The following ZNF502 variants were observed in gnomAD, a reference collection of about 807,000 sequenced individuals.
ZNF502 encodes the protein zinc finger protein 502.
ZNF502 carries 29 observed loss-of-function variants against 43.6 expected under a neutral mutation model. That is an observed-to-expected ratio of 0.67 (90% CI 0.50 to 0.91). The LOEUF is 0.91. Among genes scored for constraint, ZNF502 ranks in the 40% least tolerant of loss-of-function variants. The pLI, the probability that ZNF502 is intolerant of heterozygous loss-of-function variation, is 0.00. For synonymous variants in ZNF502, 171 were observed against 207.4 expected (o/e 0.82, Z 1.51); for missense variants, 591 against 647.2 (o/e 0.91, Z 0.94).
intron 2 of ZNF502, 79 bp downstream of exon 2, chr3:44,720,395 G>C: frequency 1.4e-6 from 2 of 1,442,102 alleles, no homozygotes; most frequent in South Asian, 2.5e-5. Flanking sequence ...GACAAGCTGG[G>C]TGAGGCTCAG....
At position 44,722,400 on chromosome 3, in the gene ZNF502, TCAGA is replaced by T. The variant is rs754038717; in HGVS notation, c.1586_1589del (p.Arg529IlefsTer20). On this transcript the variant is annotated frameshift_variant, in exon 3 of 3. Transcript: ENST00000436624. LOFTEE classifies it high-confidence loss of function. ...GAGTGTATTGAGTGTGGAAAGTTCT[TCAGA>T]CATAGTTCAGTCCTTTTCAGACATC... The T allele has an allele frequency of 1.2e-6, 2 of 1,614,128 alleles. No individual in the cohort carries two copies. Among genetic ancestry groups the T allele is most frequent in the South Asian group, 1.1e-5 (1 of 91,082 alleles).
At position 44,721,166 on chromosome 3, in the gene ZNF502, C is replaced by T. The variant is rs148172622; in HGVS notation, c.349C>T (p.Arg117Cys). The part of the protein sequence containing the change: ...SLLLTSSLVT[R>C]LRVSTEESLH... Reference sequence around the variant, plus strand: ...GCTTTTGACCTCAAGCCTTGTTACACGTCTCAGGGTTTCTACAGAAGAGAG... The same window carrying T: ...GCTTTTGACCTCAAGCCTTGTTACATGTCTCAGGGTTTCTACAGAAGAGAG... The change falls in exon 3 of 3, where the codon CGT (arginine) becomes TGT (cysteine). Residue 117 changes from arginine to cysteine, a missense_variant. By Grantham distance (180) the Arg-to-Cys change is radical (BLOSUM62 -3). Transcript: ENST00000436624. The T allele has an allele frequency of 3.3e-5, 53 of 1,614,078 alleles. No individual in the cohort carries two copies. The highest frequency in any genetic ancestry group is 8.9e-5 in the East Asian group (4 of 44,876).
intron 1 of ZNF502, among the ~76,000 whole-genome samples, chr3:44,713,672 C>T (rs1174599995): frequency 6.6e-6 from 1 of 152,002 alleles, no homozygotes; most frequent in African/African-American, 2.4e-5. Flanking sequence ...CCTCTGCCTC[C>T]CGGGTTCAAG....
At chr3:44,720,409 A>G in intron 2 of ZNF502, 93 bp downstream of exon 2, 1 of 1,305,820 alleles carries the variant, frequency 7.7e-7, no homozygotes, top group Non-Finnish European at 1.1e-6. Context: ...GGCTCAGGAG[A>G]TAAAATAACT....
intron 1 of ZNF502, among the ~76,000 whole-genome samples, chr3:44,713,032 A>G (rs76742177): frequency 1.3e-5 from 2 of 152,370 alleles, no homozygotes; most frequent in East Asian, 3.9e-4. Flanking sequence ...TAGATGATCA[A>G]GACAGACCTA....
intron 1 of ZNF502, among the ~76,000 whole-genome samples, chr3:44,717,877 C>T (rs929026177): frequency 6.6e-6 from 1 of 152,082 alleles, no homozygotes; most frequent in Admixed American, 6.6e-5. Context: ...TTTCAAACTT[C>T]TGGCCTAAAG....
At chr3:44,719,012 C>A (rs539691415) in intron 1 of ZNF502, among the ~76,000 whole-genome samples, 1 of 148,624 alleles carries the variant, frequency 6.7e-6, no homozygotes, top group South Asian at 2.1e-4. Flanking sequence ...CTTGCTCTGT[C>A]GCCCAGGCTG....
intron 1 of ZNF502, 121 bp from the exon 2 acceptor site, chr3:44,720,082 T>C: frequency 1.5e-6 from 1 of 671,320 alleles, no homozygotes; most frequent in South Asian, 1.7e-5. Context: ...CACATTGTTA[T>C]CCTGAGAGTT....
intron 1 of ZNF502, among the ~76,000 whole-genome samples, chr3:44,715,308 T>G (rs952407836): frequency 6.6e-6 from 1 of 152,340 alleles, no homozygotes; most frequent in East Asian, 1.9e-4. Context: ...TTCTTTGAAA[T>G]TATGATTTTT....
intron 2 of ZNF502, 93 bp from the exon 3 acceptor site, chr3:44,720,780 T>C: frequency 7.0e-7 from 1 of 1,435,098 alleles, no homozygotes; most frequent in Non-Finnish European, 9.4e-7. Flanking sequence ...TCATAGGCCA[T>C]TACTGAGGTC....
chr3:44,721,611 A>G lies in ZNF502; in HGVS notation c.794A>G (p.Lys265Arg). 1.2e-6 allele frequency: 2 copies of G among 1,614,168 alleles called. No individual in the cohort carries two copies. The highest frequency in any genetic ancestry group is 1.7e-6 in the Non-Finnish European group (2 of 1,180,004). ...CACCAGAGAATTCACACTGGAGAGA[A>G]ACCTTATAAATGCAATAGGTGTGGG... ...TEHQRIHTGE[K>R]PYKCNRCGKA... The change falls in exon 3 of 3, where the codon AAA becomes AGA. Residue 265 changes from lysine to arginine, a missense_variant. Coordinates refer to ENST00000436624, the MANE Select transcript of ZNF502 (RefSeq NM_001134442.3).
intron 2 of ZNF502, 41 bp from the exon 3 acceptor site, chr3:44,720,832 T>C: frequency 6.4e-7 from 1 of 1,554,550 alleles, no homozygotes; most frequent in Non-Finnish European, 8.7e-7. Context: ...GCCTTCACTC[T>C]GCCCTGTACA....
rs1353092204 is a variant in ZNF502 at position 44,720,949 on chromosome 3, G to A, written c.132G>A (p.Arg44=). ...KIDSSGIVVK[R]FQEDEYQDST... ...ACTCATCAGGGATAGTAGTAAAGAG[G>A]TTCCAAGAGGATGAATACCAAGATT... The change falls in exon 3 of 3, where the codon AGG becomes AGA. Residue 44 remains arginine (R), a synonymous_variant. Coordinates refer to ENST00000436624, the MANE Select transcript of ZNF502 (RefSeq NM_001134442.3). The A allele has an allele frequency of 2.5e-6, 4 of 1,614,020 alleles. No individual in the cohort carries two copies. Among genetic ancestry groups the A allele is most frequent in the African/African-American group, 1.3e-5 (1 of 74,922 alleles).
chr3:44,722,508 G>A lies in ZNF502; in HGVS notation c.*56G>A, dbSNP rs982178893. On this transcript the variant is annotated 3_prime_UTR_variant, in exon 3 of 3. Transcript: ENST00000436624. ...AGCGAGGATGACTACGAATCTGACT[G>A]GGAGTAGAGGGGCAGGTAGAGTTCC... The A allele has an allele frequency of 1.3e-6, 2 of 1,539,564 alleles. No individual in the cohort carries two copies. Among genetic ancestry groups the A allele is most frequent in the East Asian group, 2.3e-5 (1 of 44,390 alleles).
chr3:44,721,729 T>G lies in ZNF502; in HGVS notation c.912T>G (p.Phe304Leu), dbSNP rs1372821167. 10 of 1,611,452 alleles carry G rather than the reference T, an allele frequency of 6.2e-6. No individual in the cohort carries two copies. Among genetic ancestry groups the G allele is most frequent in the African/African-American group, 1.3e-5 (1 of 74,652 alleles). ...TATGCAGTGAATGTGGCTCTTCTTT[T>G]CGAAAACACTCAAATCTTACGCAAC... The part of the protein sequence containing the change: ...PYICSECGSS[F>L]RKHSNLTQHQ... Residue 304 changes from phenylalanine to leucine, a missense_variant, in exon 3 of 3, where the codon TTT becomes TTG. By Grantham distance (22) the Phe-to-Leu change is conservative (BLOSUM62 0). Transcript: ENST00000436624.
At chr3:44,713,739 C>T (rs1704079416) in intron 1 of ZNF502, among the ~76,000 whole-genome samples, 1 of 152,106 alleles carries the variant, frequency 6.6e-6, no homozygotes, top group South Asian at 2.1e-4. Context: ...CGCCACCACA[C>T]CTGGCTAATT....
In ZNF502 at chr3:44,721,402, T is replaced by C; in HGVS notation, c.585T>C (p.Ser195=). 6.2e-7 allele frequency: 1 copy of C among 1,614,100 alleles called. No homozygotes were observed. ...CEECGKAFSR[S]SFLVQHQRIH... ...AATGTGGGAAAGCCTTTAGTCGTAG[T>C]TCATTCCTTGTTCAACATCAAAGAA... The change falls in exon 3 of 3, where the codon AGT becomes AGC. Residue 195 remains serine (S), a synonymous_variant. Transcript: ENST00000436624.
chr3:44,721,259 C>T lies in ZNF502; in HGVS notation c.442C>T (p.Leu148Phe). 3 of 1,614,126 alleles carry T rather than the reference C, an allele frequency of 1.9e-6. No individual in the cohort carries two copies. The highest frequency in any genetic ancestry group is 2.5e-6 in the Non-Finnish European group (3 of 1,180,004). Residue 148 changes from leucine to phenylalanine, a missense_variant, in exon 3 of 3, where the codon CTC (leucine) becomes TTC (phenylalanine). Physicochemically the swap from Leu to Phe is conservative, Grantham distance 22 (BLOSUM62 0). Transcript: ENST00000436624. ...TTCAGACCAAAGTAAATGTCCAACT[C>T]TCTGCACACAGAAAAAATCTTGGAA... Reference protein sequence around the residue: ...DISDQSKCPTLCTQKKSWKCN... With the variant: ...DISDQSKCPTFCTQKKSWKCN...
At position 44,721,061 on chromosome 3, in the gene ZNF502, G is replaced by A. The variant is rs1704307175; in HGVS notation, c.244G>A (p.Gly82Ser). The A allele has an allele frequency of 5.0e-6, 8 of 1,614,118 alleles. No homozygotes were observed. Among genetic ancestry groups the A allele is most frequent in the Middle Eastern group, 1.6e-4 (1 of 6,062 alleles). ...TGAATCATGCCTTTTCCAGGAAGGA[G>A]GTTTTGGGAGAATAACTTTCATCCA... Reference protein sequence around the residue: ...IAESCLFQEGGFGRITFIHKE... With the variant: ...IAESCLFQEGSFGRITFIHKE... The change falls in exon 3 of 3, where the codon GGT becomes AGT. Residue 82 changes from glycine to serine, a missense_variant. By Grantham distance (56) the Gly-to-Ser change is moderately conservative. Transcript: ENST00000436624.
Sources: allele counts gnomAD v4.1 joint callset (sites outside exome capture counted in the v4.1 genomes callset), GRCh38; gene constraint gnomAD v4.1.1; transcripts MANE v1.5; gene names NCBI Gene and HGNC (gene_info 2026-07-23, HGNC 2026-07-21).